CFAP70: variants seen among roughly 807,000 people sequenced by gnomAD.
CFAP70 encodes the protein cilia and flagella associated protein 70, also known as cilia- and flagella-associated protein 70.
In CFAP70, 81 loss-of-function variants were observed where a neutral mutation model predicts 137.6. The ratio of observed to expected loss-of-function variants is 0.59; its 90% CI spans 0.49 to 0.71. CFAP70 has a LOEUF of 0.71. Ranked by LOEUF, CFAP70 falls within the 30% of genes least tolerant of loss-of-function variation. The probability of loss-of-function intolerance (pLI) is 0.00; values close to 1 mark genes in which losing one functional copy is unlikely to be tolerated. For synonymous variants in CFAP70, 382 were observed against 423.6 expected, an observed-to-expected ratio of 0.90 and a Z score of 1.20; for missense variants, 976 against 1,226.7, an observed-to-expected ratio of 0.80 and a Z score of 3.05.
chr10:73,282,491 A>T (rs1329450198), intron 19 of CFAP70, among the ~76,000 whole-genome samples: 1 of 152,130 alleles, frequency 6.6e-6, no homozygotes, highest in Non-Finnish European at 1.5e-5. Flanking sequence ...TCTGCTGCCA[A>T]AAGGACATTA....
At chr10:73,255,847 T>C (rs966231130) in intron 26 of CFAP70, among the ~76,000 whole-genome samples, 4 of 152,088 alleles carry the variant, frequency 2.6e-5, no homozygotes, top group African/African-American at 2.4e-5. Context: ...GCCTGGCCAC[T>C]ACCTGTTTTT....
In CFAP70 at chr10:73,344,183, C is replaced by T. The variant is rs927756992; in HGVS notation, c.399+882G>A. Among the ~76,000 whole-genome samples the T allele has an allele frequency of 5.3e-5, 8 of 152,024 alleles. No individual in the cohort carries two copies. In the South Asian group the frequency reaches 8.3e-4, roughly 16 times the overall value. ...TTCACCATGTTGGCCAGGCTGGTCT[C>T]GAACTCCTAACCTCAGTTGATCTAC... is the stretch of plus-strand genomic sequence containing the variant. On this transcript the variant is annotated intron_variant, in intron 5 of 26. Transcript: ENST00000310715.
intron 9 of CFAP70, among the ~76,000 whole-genome samples, chr10:73,313,019 T>C (rs938355216): frequency 6.6e-6 from 1 of 152,018 alleles, no homozygotes; most frequent in Non-Finnish European, 1.5e-5. Flanking sequence ...AGCTCAGCAG[T>C]TCAAGACCAG....
chr10:73,274,334 T>C (rs2046536082), intron 23 of CFAP70, 99 bp downstream of exon 24: 22 of 1,318,094 alleles, frequency 1.7e-5, no homozygotes, highest in Non-Finnish European at 2.2e-5. Context: ...AAAGTGTCAT[T>C]ATTATATTAC....
At chr10:73,297,056 C>T in exon 15 of CFAP70, 1 of 1,613,642 alleles carries the variant, frequency 6.2e-7, no homozygotes, top group Non-Finnish European at 8.5e-7. Context: ...TTTAGGGCTA[C>T]ATGCATCTGA....
chr10:73,256,969 T>C (rs2044585213), intron 25 of CFAP70, among the ~76,000 whole-genome samples: 1 of 151,168 alleles, frequency 6.6e-6, no homozygotes, highest in South Asian at 2.1e-4. Context: ...TAAAGATAAC[T>C]TGGCCTCTCA....
At chr10:73,292,476 T>C (rs538454279) in intron 16 of CFAP70, among the ~76,000 whole-genome samples, 1 of 152,314 alleles carries the variant, frequency 6.6e-6, no homozygotes, top group African/African-American at 2.4e-5. Flanking sequence ...TTCATGTTCA[T>C]GGATTGGATG....
intron 5 of CFAP70, among the ~76,000 whole-genome samples, chr10:73,342,736 C>A (rs766335985): frequency 2.6e-5 from 4 of 151,646 alleles, no homozygotes; most frequent in Admixed American, 6.6e-5. Flanking sequence ...ATAGCAACAA[C>A]AAAAAAAGAG....
intron 25 of CFAP70, among the ~76,000 whole-genome samples, chr10:73,257,876 C>CTTTTTT (rs745485451): frequency 9.2e-5 from 12 of 129,906 alleles, no homozygotes; most frequent in South Asian, 2.5e-4. Flanking sequence ...CCTTTTCCTT[C>CTTTTTT]TTTTTTTTTT....
At chr10:73,256,224 A>G (rs2044476473) in intron 26 of CFAP70, 145 bp downstream of exon 27, 1 of 818,388 alleles carries the variant, frequency 1.2e-6, no homozygotes, top group African/African-American at 1.7e-5. Flanking sequence ...CAAACCCAGC[A>G]GCCCCACGAT....
intron 25 of CFAP70, among the ~76,000 whole-genome samples, chr10:73,263,039 A>G (rs1284872163): frequency 6.6e-6 from 1 of 152,204 alleles, no homozygotes; most frequent in East Asian, 1.9e-4. Flanking sequence ...CTATTATCTA[A>G]TCTATAGACC....
upstream of CFAP70, among the ~76,000 whole-genome samples, chr10:73,360,102 A>T (rs141347371): frequency 1.3e-5 from 2 of 152,258 alleles, no homozygotes; most frequent in African/African-American, 4.8e-5. Context: ...GAAAAATGTG[A>T]ATTAGCTCTG....
chr10:73,256,445 T>C (rs2044502219), intron 25 of CFAP70, 29 bp from the exon 27 acceptor site: 1 of 1,613,848 alleles, frequency 6.2e-7, no homozygotes, highest in South Asian at 1.1e-5. Flanking sequence ...TTGGTGATGA[T>C]GACAGGTCAT....
At chr10:73,360,046 A>T (rs777673557), upstream of CFAP70, among the ~76,000 whole-genome samples, 1 of 152,244 alleles carries the variant, frequency 6.6e-6, no homozygotes, top group Non-Finnish European at 1.5e-5. Flanking sequence ...GTATCTCTGT[A>T]TAGCATTCTG....
intron 19 of CFAP70, among the ~76,000 whole-genome samples, chr10:73,283,720 A>G (rs58435248): frequency 0.1 from 15,656 of 151,948 alleles, 1,161 homozygotes; most frequent in East Asian, 0.3. Context: ...CTATATCACT[A>G]TATTTGTTTG....
intron 9 of CFAP70, among the ~76,000 whole-genome samples, chr10:73,321,601 C>T (rs147655813): frequency 3.4e-4 from 52 of 152,022 alleles, no homozygotes; most frequent in African/African-American, 1.2e-3. Context: ...GTGTGTTTTA[C>T]AAAGCCTCAT....
At chr10:73,302,565 C>T (rs1341217847) in intron 12 of CFAP70, among the ~76,000 whole-genome samples, 4 of 152,084 alleles carry the variant, frequency 2.6e-5, no homozygotes, top group Non-Finnish European at 5.9e-5. Flanking sequence ...GGAATTTTAC[C>T]CAGTTTATAC....
intron 9 of CFAP70, among the ~76,000 whole-genome samples, chr10:73,315,370 A>G (rs2050257824): frequency 6.6e-6 from 1 of 152,206 alleles, no homozygotes; most frequent in Admixed American, 6.5e-5. Context: ...TACATATACC[A>G]CATTTTGTTT....
At chr10:73,297,165 C>A in exon 15 of CFAP70, 1 of 1,612,282 alleles carries the variant, frequency 6.2e-7, no homozygotes, top group South Asian at 1.1e-5. Flanking sequence ...CAATCTTTAC[C>A]ACAGCATGCT....
Sources: gnomAD v4.1 joint callset for allele counts (sites outside exome capture counted in the v4.1 genomes callset) on GRCh38, gnomAD v4.1.1 for gene constraint, MANE v1.5 for transcripts, NCBI Gene and HGNC (gene_info 2026-07-23, HGNC 2026-07-21) for gene names.